FHIT: variants seen among roughly 807,000 people sequenced by gnomAD.
FHIT encodes the protein bis(5'-adenosyl)-triphosphatase.
Under a neutral mutation model 17.9 loss-of-function variants are expected in FHIT, and 19 were observed. That is an observed-to-expected ratio of 1.06 (90% CI 0.74 to 1.56). FHIT has a LOEUF of 1.56. Among genes scored for constraint, FHIT ranks in the 40% most tolerant of loss-of-function variants. The pLI is 0.00. For synonymous variants in FHIT, 81 were observed against 69.7 expected (o/e 1.16, Z -0.81); for missense variants, 248 against 189.2 (o/e 1.31, Z -1.82).
chr3:59,975,901 A>G (rs1708387750), intron 7 of FHIT, among the ~76,000 whole-genome samples: 1 of 152,076 alleles, frequency 6.6e-6, no homozygotes, highest in South Asian at 2.1e-4. Context: ...ATCTGGCTCC[A>G]CTTCCTTTAC....
chr3:60,942,853 A>G (rs1553774895), intron 3 of FHIT, among the ~76,000 whole-genome samples: 2 of 152,150 alleles, frequency 1.3e-5, no homozygotes, highest in Non-Finnish European at 2.9e-5. Context: ...ATTTCCCTCT[A>G]TATACCTCTT....
chr3:60,259,271 G>A (rs540396138), intron 5 of FHIT, among the ~76,000 whole-genome samples: 62 of 152,244 alleles, frequency 4.1e-4, no homozygotes, highest in Non-Finnish European at 7.1e-4. Flanking sequence ...ATAGACACTA[G>A]TTTTCATTCA....
In FHIT at chr3:60,755,760, T is replaced by A. The variant is rs183779044; in HGVS notation, c.-18+66159A>T. On this transcript the variant is annotated intron_variant, in intron 4 of 9. Transcript: ENST00000492590. ...TTTATATTTAGAAATTTAGAGACAT[T>A]GGTTAAATAAGTTAAGGAACAATGA... Among the ~76,000 whole-genome samples the A allele has an allele frequency of 1.6e-3, 249 of 152,278 alleles. 1 individual carries two copies. The highest frequency in any genetic ancestry group is 5.6e-3 in the African/African-American group (234 of 41,566).
At chr3:61,134,199 A>AGG (rs2036848433) in intron 2 of FHIT, among the ~76,000 whole-genome samples, 1 of 151,920 alleles carries the variant, frequency 6.6e-6, no homozygotes, top group African/African-American at 2.4e-5. Flanking sequence ...TACCAAGGGT[A>AGG]GGGGGTTGGC....
At position 60,139,016 on chromosome 3, in the gene FHIT, C is replaced by A. The variant is rs377301140; in HGVS notation, c.104-124864G>T. On this transcript the variant is annotated intron_variant, in intron 5 of 9. Coordinates refer to ENST00000492590, the MANE Select transcript of FHIT (RefSeq NM_002012.4). The stretch of plus-strand genomic sequence containing the variant: ...GTACTGAAAGATGAGTGCCCAAAAG[C>A]CCGATGTCTCCTCCAATGTTCTAGC... Among the ~76,000 whole-genome samples, 20 of 152,248 alleles carry A rather than the reference C, an allele frequency of 1.3e-4. No homozygotes were observed. In the South Asian group the frequency reaches 3.9e-3, roughly 30 times the overall value.
intron 4 of FHIT, among the ~76,000 whole-genome samples, chr3:60,674,446 A>G (rs1716714): frequency 0.92 from 140,516 of 152,240 alleles, 64,909 homozygotes; most frequent in Non-Finnish European, 0.94. Context: ...CTCTTCACAC[A>G]TCCAGTAATT....
At chr3:60,037,822 T>G (rs895489105) in intron 5 of FHIT, among the ~76,000 whole-genome samples, 57 of 152,130 alleles carry the variant, frequency 3.7e-4, no homozygotes, top group African/African-American at 1.3e-3. Context: ...CAAGCAATTC[T>G]CCCGCCTCAG....
intron 4 of FHIT, among the ~76,000 whole-genome samples, chr3:60,543,069 C>T (rs1039584859): frequency 6.6e-6 from 1 of 152,118 alleles, no homozygotes; most frequent in Non-Finnish European, 1.5e-5. Context: ...CAGAGCCAGA[C>T]GCTGTAGAAC....
chr3:61,050,849 G>A (rs1399803321), intron 2 of FHIT, among the ~76,000 whole-genome samples: 1 of 152,210 alleles, frequency 6.6e-6, no homozygotes, highest in African/African-American at 2.4e-5. Flanking sequence ...TTCCAGCTGG[G>A]AGAAACTGGG....
At chr3:60,505,053 A>G (rs1177093495) in intron 5 of FHIT, among the ~76,000 whole-genome samples, 1 of 150,262 alleles carries the variant, frequency 6.7e-6, no homozygotes, top group African/African-American at 2.5e-5. Context: ...TGTCAGAACT[A>G]TTTTGGACAT....
intron 5 of FHIT, among the ~76,000 whole-genome samples, chr3:60,525,360 T>C (rs956190350): frequency 6.6e-6 from 1 of 152,214 alleles, no homozygotes; most frequent in South Asian, 2.1e-4. Flanking sequence ...TAAATATTTA[T>C]CAACCATCTA....
chr3:60,278,811 G>T (rs1384706864), intron 5 of FHIT, among the ~76,000 whole-genome samples: 1 of 151,936 alleles, frequency 6.6e-6, no homozygotes, highest in Non-Finnish European at 1.5e-5. Flanking sequence ...ATTTCTTAAA[G>T]ATAAACTTTA....
chr3:59,986,992 A>G (rs1222620090), intron 7 of FHIT, among the ~76,000 whole-genome samples: 3 of 129,130 alleles, frequency 2.3e-5, no homozygotes, highest in Non-Finnish European at 4.7e-5. Context: ...AATATTTTAT[A>G]TTTTATATAT....
Position 60,543,032 on chromosome 3 carries a change from A to G in FHIT, c.-17-6053T>C, listed in dbSNP as rs191397390. 2.7e-3 allele frequency among the ~76,000 whole-genome samples: 414 copies of G among 152,328 alleles called. 2 individuals carry two copies. Among genetic ancestry groups the G allele is most frequent in the Middle Eastern group, 0.02 (6 of 294 alleles). ...TAAGTTCCCATATATACACAGGAAT[A>G]AGTCTAGACTCCTTTCTATTCTGCT... On this transcript the variant is annotated intron_variant, in intron 4 of 9. Transcript: ENST00000492590.
At chr3:60,932,390 C>T (rs185938051) in intron 3 of FHIT, among the ~76,000 whole-genome samples, 1 of 152,264 alleles carries the variant, frequency 6.6e-6, no homozygotes, top group East Asian at 1.9e-4. Flanking sequence ...TGCTGGTGGT[C>T]TCTTCCTTAC....
At chr3:60,997,083 T>G (rs1239696638) in intron 3 of FHIT, among the ~76,000 whole-genome samples, 1 of 152,152 alleles carries the variant, frequency 6.6e-6, no homozygotes, top group African/African-American at 2.4e-5. Flanking sequence ...GTTTCCAAGG[T>G]TTCTCTGGGA....
At chr3:60,428,836 A>T (rs1369744991) in intron 5 of FHIT, among the ~76,000 whole-genome samples, 1 of 152,132 alleles carries the variant, frequency 6.6e-6, no homozygotes, top group Non-Finnish European at 1.5e-5. Context: ...AGAGGCAGAT[A>T]CTAGTGTTGT....
intron 2 of FHIT, among the ~76,000 whole-genome samples, chr3:61,074,327 GT>G (rs1481433397): frequency 6.6e-6 from 1 of 151,916 alleles, no homozygotes; most frequent in Non-Finnish European, 1.5e-5. Context: ...CTTGTTTTTT[GT>G]TCAGAACTAA....
intron 8 of FHIT, among the ~76,000 whole-genome samples, chr3:59,801,117 C>T (rs1699976562): frequency 6.6e-6 from 1 of 152,198 alleles, no homozygotes; most frequent in African/African-American, 2.4e-5. Flanking sequence ...CATTTGCTGA[C>T]TATGATGACC....
Sources: gnomAD v4.1 joint callset for allele counts (sites outside exome capture counted in the v4.1 genomes callset) on GRCh38, gnomAD v4.1.1 for gene constraint, MANE v1.5 for transcripts, NCBI Gene and HGNC (gene_info 2026-07-23, HGNC 2026-07-21) for gene names.